Variants in SLC26A11 observed in about 807,000 individuals in gnomAD.
SLC26A11 encodes the protein solute carrier family 26 member 11, also known as sodium-independent sulfate anion transporter.
A neutral mutation model predicts 62.2 loss-of-function variants in SLC26A11; 58 were observed. The observed-to-expected ratio is 0.93, with a 90% CI of 0.76 to 1.16. SLC26A11 has a LOEUF of 1.16. Ranked by LOEUF, SLC26A11 falls within the 50% of genes most tolerant of loss-of-function variation. SLC26A11 has a pLI of 0.00. For missense variants in SLC26A11, 790 were observed against 794.3 expected (o/e 0.99, Z 0.06); for synonymous variants, 411 against 368.9 (o/e 1.11, Z -1.31).
In SLC26A11 at chr17:80,223,105, C is replaced by T. The variant is rs2042269627; in HGVS notation, c.428-147C>T. On this transcript the variant is annotated intron_variant, in intron 4 of 17. Coordinates refer to ENST00000361193, the MANE Select transcript of SLC26A11 (RefSeq NM_001166347.2). The surrounding 1 kb of genome is among the most constrained non-coding windows in gnomAD (Gnocchi z 4.6). ...CCCTTTTCTGCTCTCCAAAAACAGC[C>T]AAACAGGGTGTGTTACCCCCAGTCC... 1 of 805,464 alleles carries T rather than the reference C, an allele frequency of 1.2e-6. No homozygotes were observed. The highest frequency in any genetic ancestry group is 1.6e-5 in the South Asian group (1 of 62,796). The allele number at this position is 805,464 out of a possible 1,614,324, so 49.9% of individuals were successfully genotyped here. A position where few individuals can be genotyped will look rare whatever the true frequency, so the allele number is the denominator to read the frequency against.
intron 9 of SLC26A11, among the ~76,000 whole-genome samples, chr17:80,238,156 G>A (rs1425145314): frequency 6.6e-6 from 1 of 152,152 alleles, no homozygotes; most frequent in African/African-American, 2.4e-5. Context: ...TCAGGAGTTT[G>A]AAACCCACCT....
rs2043181881 is a variant in SLC26A11 at position 80,252,518 on chromosome 17, C to T, written c.1730-107C>T. The stretch of plus-strand genomic sequence containing the variant: ...CTGGGTGGCCCACAGCTCCTTCCTG[C>T]ACACCTTCCAGGACTCTGGAAGGCC... On this transcript the variant is annotated intron_variant, in intron 17 of 17. Transcript: ENST00000361193. This position sits in a 1 kb window ranked among gnomAD's most constrained non-coding sequence, Gnocchi z 5.2. The T allele has an allele frequency of 3.0e-6, 3 of 997,610 alleles. No homozygotes were observed. Among genetic ancestry groups the T allele is most frequent in the Non-Finnish European group, 1.5e-6 (1 of 676,770 alleles). 61.8% of individuals were successfully genotyped at this position (997,610 alleles called of 1,614,324 possible).
chr17:80,239,530 C>T (rs1426417324), intron 9 of SLC26A11, among the ~76,000 whole-genome samples: 1 of 152,038 alleles, frequency 6.6e-6, no homozygotes, highest in Non-Finnish European at 1.5e-5. Context: ...GCTGGGACTA[C>T]AGGCGTCCGC....
intron 7 of SLC26A11, among the ~76,000 whole-genome samples, chr17:80,236,373 C>T (rs1436509462): frequency 6.6e-6 from 1 of 152,224 alleles, no homozygotes; most frequent in African/African-American, 2.4e-5. Context: ...AGCATTGCCC[C>T]CTGAACTCAG....
At position 80,221,696 on chromosome 17, in the gene SLC26A11, C is replaced by A. The variant is rs2042205059; in HGVS notation, c.136C>A (p.Gln46Lys). The A allele has an allele frequency of 6.2e-7, 1 of 1,613,590 alleles. No homozygotes were observed. The highest frequency in any genetic ancestry group is 1.3e-5 in the African/African-American group (1 of 74,936). ...GGCGTGGCTGCCCAGCTACTCCCTGCAGTGGCTGAAGATGGATTTCGTCGC... is the reference window on the plus strand; with the variant it reads ...GGCGTGGCTGCCCAGCTACTCCCTGAAGTGGCTGAAGATGGATTTCGTCGC... ...ILAWLPSYSLQWLKMDFVAGL... is the reference protein window; with the variant it reads ...ILAWLPSYSLKWLKMDFVAGL... The change falls in exon 3 of 18, where the codon CAG becomes AAG. Residue 46 changes from glutamine (Q) to lysine (K), a missense_variant. Coordinates refer to ENST00000361193, the MANE Select transcript of SLC26A11 (RefSeq NM_001166347.2).
rs562680578 is a variant in SLC26A11, at chr17:80,228,827, C to T, written c.736+867C>T. On this transcript the variant is annotated intron_variant, in intron 7 of 17. Transcript: ENST00000361193. This position sits in a 1 kb window ranked among gnomAD's most constrained non-coding sequence, Gnocchi z 4.1. ...ATGGGGGTACAACTTCAGCTTCAGG[C>T]GCGGAGGCTGCAGGCTGAGCCACAA... 2.6e-5 allele frequency among the ~76,000 whole-genome samples: 4 copies of T among 152,300 alleles called. No homozygotes were observed. Among genetic ancestry groups the T allele is most frequent in the South Asian group, 4.1e-4 (2 of 4,826 alleles).
intron 7 of SLC26A11, chr17:80,236,678 A>G: frequency 2.2e-6 from 1 of 460,090 alleles, no homozygotes; most frequent in Non-Finnish European, 3.9e-6. Context: ...CACGATGTCC[A>G]GTCACCTGGA....
intron 7 of SLC26A11, among the ~76,000 whole-genome samples, chr17:80,233,872 C>T (rs919654289): frequency 9.2e-5 from 14 of 152,028 alleles, no homozygotes; most frequent in Non-Finnish European, 1.8e-4. Flanking sequence ...GCCACTACTC[C>T]TGGTCTTCTT....
rs1454227145 is a variant in SLC26A11 at position 80,252,597 on chromosome 17, C to T, written c.1730-28C>T. 6.2e-7 allele frequency: 1 copy of T among 1,607,524 alleles called. No homozygotes were observed. The highest frequency in any genetic ancestry group is 2.2e-5 in the East Asian group (1 of 44,802). On this transcript the variant is annotated intron_variant, in intron 17 of 17. Transcript: ENST00000361193. This position sits in a 1 kb window ranked among gnomAD's most constrained non-coding sequence, Gnocchi z 5.2. ...CATCCTCACTTCTGAGCTTTTAGTGCTTGAAACATTTATTGTATTTTCTGC... is the reference window on the plus strand; with the variant it reads ...CATCCTCACTTCTGAGCTTTTAGTGTTTGAAACATTTATTGTATTTTCTGC...
intron 13 of SLC26A11, 99 bp from the exon 14 acceptor site, chr17:80,248,031 C>G (rs2043053674): frequency 7.1e-7 from 1 of 1,408,866 alleles, no homozygotes; most frequent in Admixed American, 2.6e-5. Context: ...AGCACCTTTA[C>G]TCATATGTGG....
chr17:80,252,050 G>A lies in SLC26A11; in HGVS notation c.1730-575G>A, dbSNP rs752290863. Among the ~76,000 whole-genome samples the A allele has an allele frequency of 2.0e-4, 31 of 152,132 alleles. No homozygotes were observed. The highest frequency in any genetic ancestry group is 3.1e-4 in the Non-Finnish European group (21 of 68,030). ...CCAGAAGCCCCGGGACAGAAGGTAC[G>A]GGAGGGACAGGAGCAGGGTGGGCGC... On this transcript the variant is annotated intron_variant, in intron 17 of 17. Coordinates refer to ENST00000361193, the MANE Select transcript of SLC26A11 (RefSeq NM_001166347.2). The surrounding 1 kb of genome is among the most constrained non-coding windows in gnomAD (Gnocchi z 5.2).
intron 7 of SLC26A11, among the ~76,000 whole-genome samples, chr17:80,232,632 T>C (rs573537911): frequency 6.6e-6 from 1 of 152,368 alleles, no homozygotes; most frequent in South Asian, 2.1e-4. Context: ...GGATTTGTTT[T>C]TAATCTCATA....
Position 80,250,749 on chromosome 17 carries a change from C to T in SLC26A11, c.1657-580C>T, listed in dbSNP as rs139762377. 2.0e-4 allele frequency among the ~76,000 whole-genome samples: 31 copies of T among 152,230 alleles called. No individual in the cohort carries two copies. In the East Asian group the frequency reaches 6.0e-3, roughly 29 times the overall value. On this transcript the variant is annotated intron_variant, in intron 16 of 17. Coordinates refer to ENST00000361193, the MANE Select transcript of SLC26A11 (RefSeq NM_001166347.2). ...GGCTGAGGCAGGAGAATCGCTTGAA[C>T]CCGGGAGGCAGAGGTTGCAGTGAGC...
At chr17:80,245,293 T>C (rs2042965293) in intron 11 of SLC26A11, 37 bp downstream of exon 11, 6 of 1,609,258 alleles carry the variant, frequency 3.7e-6, no homozygotes, top group South Asian at 1.1e-5. Context: ...TTGCCCACGT[T>C]GGACGCCCTA....
intron 6 of SLC26A11, 137 bp from the exon 7 acceptor site, chr17:80,227,681 T>G (rs2042447889): frequency 2.5e-6 from 3 of 1,210,930 alleles, no homozygotes; most frequent in Non-Finnish European, 3.4e-6. Flanking sequence ...CTCACTGTGG[T>G]CTGGGACCAG....
At chr17:80,249,900 A>G (rs2043113195) in intron 16 of SLC26A11, among the ~76,000 whole-genome samples, 1 of 152,140 alleles carries the variant, frequency 6.6e-6, no homozygotes, top group Non-Finnish European at 1.5e-5. Context: ...GTGGGACTCC[A>G]TCTCAAAAAC....
chr17:80,249,419 C>T (rs1001155950), intron 16 of SLC26A11, 132 bp downstream of exon 16: 43 of 1,249,220 alleles, frequency 3.4e-5, no homozygotes, highest in Non-Finnish European at 4.4e-6. Context: ...GGCTCTGCTT[C>T]TGATTTAAAC....
At position 80,246,186 on chromosome 17, in the gene SLC26A11, C is replaced by A; in HGVS notation, c.1130C>A (p.Thr377Asn). The part of the protein sequence containing the change: ...TAVNAQSGVC[T>N]PAGGLVTGVL... The stretch of plus-strand genomic sequence containing the variant: ...GTGAACGCTCAGTCGGGGGTGTGCA[C>A]CCCGGCGGGGGGCCTGGTGACGGGT... Residue 377 changes from threonine to asparagine, a missense_variant, in exon 12 of 18, where the codon ACC (threonine) becomes AAC (asparagine). By Grantham distance (65) the Thr-to-Asn change is moderately conservative (BLOSUM62 0). Transcript: ENST00000361193. This position sits in a 1 kb window ranked among gnomAD's most constrained non-coding sequence, Gnocchi z 4.4. 1 of 1,612,612 alleles carries A rather than the reference C, an allele frequency of 6.2e-7. No homozygotes were observed. Among genetic ancestry groups the A allele is most frequent in the Non-Finnish European group, 8.5e-7 (1 of 1,179,794 alleles).
chr17:80,236,364 G>T (rs1320884932), intron 7 of SLC26A11, among the ~76,000 whole-genome samples: 1 of 152,194 alleles, frequency 6.6e-6, no homozygotes, highest in Non-Finnish European at 1.5e-5. Context: ...CTTCCTCCCA[G>T]CATTGCCCCC....
Sources: gnomAD v4.1 joint callset for allele counts (sites outside exome capture counted in the v4.1 genomes callset) on GRCh38, gnomAD v4.1.1 for gene constraint, Gnocchi (gnomAD v3.1) non-coding constraint, MANE v1.5 for transcripts, NCBI Gene and HGNC (gene_info 2026-07-23, HGNC 2026-07-21) for gene names.